The following WDR72 variants were observed in gnomAD, a reference collection of about 807,000 sequenced individuals.
WDR72 encodes the protein WD repeat-containing protein 72.
Under a neutral mutation model 124.2 loss-of-function variants are expected in WDR72, and 120 were observed. The ratio of observed to expected loss-of-function variants is 0.97; its 90% CI spans 0.83 to 1.12. The LOEUF (loss-of-function observed/expected upper bound fraction) is 1.12. Ranked by LOEUF, WDR72 falls within the 50% of genes most tolerant of loss-of-function variation. The pLI is 0.00. For synonymous variants in WDR72, 452 were observed against 441.7 expected (o/e 1.02, Z -0.29); for missense variants, 1,387 against 1,278.8 (o/e 1.08, Z -1.29).
At chr15:53,596,842 C>T (rs149402034) in intron 18 of WDR72, among the ~76,000 whole-genome samples, 5 of 152,218 alleles carry the variant, frequency 3.3e-5, no homozygotes, top group East Asian at 1.9e-4. Context: ...CTCTAAGTAG[C>T]GATGCTCCTC....
chr15:53,761,837 C>CAATCAAACAAAACA (rs56685517), upstream of WDR72, among the ~76,000 whole-genome samples: 1 of 151,902 alleles, frequency 6.6e-6, no homozygotes, highest in South Asian at 2.1e-4. Context: ...AAAACAAAAA[C>CAATCAAACAAAACA]CCAAAGCAGA....
chr15:53,674,441 T>C (rs17631553), intron 13 of WDR72, among the ~76,000 whole-genome samples: 9,342 of 152,246 alleles, frequency 0.061, 351 homozygotes, highest in South Asian at 0.1. Context: ...ACCCCCTTTC[T>C]ATTAAAACCA....
intron 18 of WDR72, among the ~76,000 whole-genome samples, chr15:53,533,764 G>T (rs1566946143): frequency 2.0e-5 from 3 of 152,134 alleles, no homozygotes; most frequent in African/African-American, 7.2e-5. Flanking sequence ...CAGATGCCCA[G>T]TTTGAGATAT....
At chr15:53,546,942 T>G (rs1237577132) in intron 18 of WDR72, among the ~76,000 whole-genome samples, 2 of 152,140 alleles carry the variant, frequency 1.3e-5, no homozygotes, top group African/African-American at 4.8e-5. Context: ...AAAGAGTAAG[T>G]AGACAATTAT....
At chr15:53,705,869 G>C in intron 10 of WDR72, 58 bp downstream of exon 10, 1 of 1,603,290 alleles carries the variant, frequency 6.2e-7, no homozygotes. Context: ...GAAGAACAAT[G>C]AATTAATTAC....
intron 14 of WDR72, among the ~76,000 whole-genome samples, chr15:53,639,080 G>T (rs76598357): frequency 2.0e-5 from 3 of 152,174 alleles, no homozygotes; most frequent in East Asian, 3.9e-4. Flanking sequence ...TCTTGTAATG[G>T]CAACATTCTA....
intron 2 of WDR72, among the ~76,000 whole-genome samples, chr15:53,731,631 A>T (rs1181914600): frequency 6.6e-6 from 1 of 151,492 alleles, no homozygotes; most frequent in East Asian, 2.0e-4. Context: ...TGCTCCTAAG[A>T]GACCCATGGC....
At chr15:53,708,176 C>T (rs942715630) in intron 9 of WDR72, among the ~76,000 whole-genome samples, 2 of 152,174 alleles carry the variant, frequency 1.3e-5, no homozygotes, top group African/African-American at 4.8e-5. Flanking sequence ...TTTTTCATCA[C>T]TGTGTCCATC....
intron 2 of WDR72, among the ~76,000 whole-genome samples, chr15:53,724,205 A>G (rs974537858): frequency 7.2e-5 from 11 of 152,316 alleles, no homozygotes; most frequent in East Asian, 3.9e-4. Flanking sequence ...TGAATTACAC[A>G]TAAGTTTTGG....
intron 9 of WDR72, among the ~76,000 whole-genome samples, chr15:53,709,482 C>T (rs1358230740): frequency 1.3e-5 from 2 of 152,140 alleles, no homozygotes; most frequent in African/African-American, 2.4e-5. Context: ...CATGGTTATA[C>T]ATAACATTGA....
At chr15:53,743,813 A>C (rs2018572078) in intron 1 of WDR72, among the ~76,000 whole-genome samples, 1 of 152,088 alleles carries the variant, frequency 6.6e-6, no homozygotes, top group African/African-American at 2.4e-5. Context: ...GTCTCTACTA[A>C]AAATACAAAA....
intron 14 of WDR72, among the ~76,000 whole-genome samples, chr15:53,636,134 T>G (rs955500966): frequency 6.6e-6 from 1 of 152,176 alleles, no homozygotes; most frequent in African/African-American, 2.4e-5. Flanking sequence ...AATTAAAGTC[T>G]CAAATGCAGT....
chr15:53,706,331 CGTGTGT>C (rs58315386), intron 9 of WDR72, among the ~76,000 whole-genome samples: 94 of 51,610 alleles, frequency 1.8e-3, no homozygotes, highest in African/African-American at 5.2e-3. Context: ...GTTATATGTG[CGTGTGT>C]GTGTGTGTGT....
chr15:53,647,092 T>C (rs951557774), intron 14 of WDR72, among the ~76,000 whole-genome samples: 2 of 152,018 alleles, frequency 1.3e-5, no homozygotes, highest in South Asian at 2.1e-4. Context: ...ATGTGAAAAA[T>C]CAGAATTATT....
At chr15:53,558,212 T>C (rs1906428) in intron 18 of WDR72, among the ~76,000 whole-genome samples, 150,602 of 152,188 alleles carry the variant, frequency 0.99, 74,532 homozygotes, top group Middle Eastern at 1. Flanking sequence ...TTTATCCAGT[T>C]TTAATGGCAA....
chr15:53,524,647 CT>C (rs1892003454), intron 18 of WDR72, among the ~76,000 whole-genome samples: 1 of 152,072 alleles, frequency 6.6e-6, no homozygotes, highest in Admixed American at 6.6e-5. Flanking sequence ...TTAAATATTC[CT>C]TCTAGATTGT....
At chr15:53,625,484 C>A (rs1194409166) in intron 14 of WDR72, among the ~76,000 whole-genome samples, 2 of 152,214 alleles carry the variant, frequency 1.3e-5, no homozygotes, top group Admixed American at 6.5e-5. Context: ...TCCATTCCAA[C>A]CTCTGAACTT....
At chr15:53,556,201 A>C (rs1300538900) in intron 18 of WDR72, among the ~76,000 whole-genome samples, 4 of 152,140 alleles carry the variant, frequency 2.6e-5, no homozygotes, top group Non-Finnish European at 4.4e-5. Context: ...TGGAGAAAAT[A>C]TTTTACCAAC....
chr15:53,735,098 A>C (rs1023918624), intron 1 of WDR72, among the ~76,000 whole-genome samples: 1 of 152,160 alleles, frequency 6.6e-6, no homozygotes. Flanking sequence ...GTTCAGGACC[A>C]GCCTGACCAA....
Sources: allele counts gnomAD v4.1 joint callset (sites outside exome capture counted in the v4.1 genomes callset), GRCh38; gene constraint gnomAD v4.1.1; transcripts MANE v1.5; gene names NCBI Gene and HGNC (gene_info 2026-07-23, HGNC 2026-07-21).